Variants in LIMCH1 observed in about 807,000 individuals in gnomAD.
LIMCH1 encodes LIM and calponin homology domains-containing protein 1.
A neutral mutation model predicts 176.5 loss-of-function variants in LIMCH1; 113 were observed. The observed-to-expected ratio is 0.64, with a 90% CI of 0.55 to 0.75. The LOEUF (loss-of-function observed/expected upper bound fraction) is 0.75, where lower values mean the gene tolerates loss of function less well. Among genes scored for constraint, LIMCH1 ranks in the 30% least tolerant of loss-of-function variants. The pLI is 0.00. For missense variants in LIMCH1, 1,674 were observed against 1,814.9 expected (o/e 0.92, Z 1.41); for synonymous variants, 619 against 645.9 (o/e 0.96, Z 0.63).
At chr4:41,648,804 T>C (rs953284107) in intron 17 of LIMCH1, among the ~76,000 whole-genome samples, 5 of 151,738 alleles carry the variant, frequency 3.3e-5, no homozygotes, top group Admixed American at 3.3e-4. Flanking sequence ...GCAGTGTTTT[T>C]CAAACTGAAA....
intron 20 of LIMCH1, 88 bp from the exon 21 acceptor site, chr4:41,666,473 A>G (rs1219006056): frequency 2.6e-6 from 2 of 779,388 alleles, no homozygotes; most frequent in Admixed American, 4.6e-5. Flanking sequence ...GACTTCTATA[A>G]CAGCCATGGA....
intron 2 of LIMCH1, among the ~76,000 whole-genome samples, chr4:41,513,136 C>T (rs191943785): frequency 4.0e-5 from 6 of 151,874 alleles, no homozygotes; most frequent in African/African-American, 1.5e-4. Flanking sequence ...AAGAAAATTA[C>T]AAAAATAAAA....
At chr4:41,597,084 G>GC (rs1422648874) in intron 1 of LIMCH1, among the ~76,000 whole-genome samples, 7 of 151,560 alleles carry the variant, frequency 4.6e-5, no homozygotes, top group Middle Eastern at 3.4e-3. Context: ...CTCAGATATA[G>GC]CCCCCCTGTG....
At chr4:41,434,658 A>T (rs970504842) in intron 1 of LIMCH1, among the ~76,000 whole-genome samples, 1 of 152,194 alleles carries the variant, frequency 6.6e-6, no homozygotes, top group Non-Finnish European at 1.5e-5. Flanking sequence ...CTGGGATTAC[A>T]GGTGCCCACC....
chr4:41,413,487 G>A (rs949350717), intron 1 of LIMCH1, among the ~76,000 whole-genome samples: 1 of 146,436 alleles, frequency 6.8e-6, no homozygotes, highest in African/African-American at 2.6e-5. Context: ...ATGCCACCAT[G>A]CCTGGCTATT....
At chr4:41,487,727 C>A (rs1364671071) in intron 1 of LIMCH1, among the ~76,000 whole-genome samples, 1 of 133,708 alleles carries the variant, frequency 7.5e-6, no homozygotes, top group African/African-American at 2.9e-5. Flanking sequence ...GGTGTGATCT[C>A]GGCTCACTGC....
Position 41,666,666 on chromosome 4 carries a change from G to C in LIMCH1, c.3397G>C (p.Val1133Leu). The C allele has an allele frequency of 6.3e-7, 1 of 1,595,080 alleles. No individual in the cohort carries two copies. The highest frequency in any genetic ancestry group is 8.6e-7 in the Non-Finnish European group (1 of 1,162,854). Residue 1133 changes from valine to leucine, a missense_variant and splice_region_variant, in exon 21 of 32, where the codon GTG becomes CTG. Coordinates refer to ENST00000503057, the MANE Select transcript of LIMCH1 (RefSeq NM_001330672.2). ...ACATTTGCCAAATCTCAATTCTCAA[G>C]GTAAAGAGGACATGTTTTATTTTAG... is the stretch of plus-strand genomic sequence containing the variant. ...QLHLPNLNSQ[V>L]DSPSSEKSPV... is the part of the protein sequence containing the mutation.
intron 1 of LIMCH1, among the ~76,000 whole-genome samples, chr4:41,384,139 G>A (rs2056126309): frequency 6.6e-6 from 1 of 152,162 alleles, no homozygotes; most frequent in South Asian, 2.1e-4. Flanking sequence ...CCAGACTGCA[G>A]GGGGCTGAGC....
At position 41,613,635 on chromosome 4, in the gene LIMCH1, A is replaced by G; in HGVS notation, c.179A>G (p.Asp60Gly). 1 of 1,614,126 alleles carries G rather than the reference A, an allele frequency of 6.2e-7. No homozygotes were observed. The highest frequency in any genetic ancestry group is 1.6e-4 in the Middle Eastern group (1 of 6,062). Reference protein sequence around the residue: ...GSRSRQTPSPDVVLRGSSDGR... With the variant: ...GSRSRQTPSPGVVLRGSSDGR... ...CGCTCTCGGCAGACGCCTTCACCAG[A>G]TGTAGTCCTCAGGGGAAGCAGCGAT... The change falls in exon 5 of 32, where the codon GAT becomes GGT. Residue 60 changes from aspartate (D) to glycine (G), a missense_variant. By Grantham distance (94) the Asp-to-Gly change is moderately conservative (BLOSUM62 -1). Around this residue, in one of 3 missense-constraint regions of LIMCH1, gnomAD observed 655 missense variants for 692.2 expected, o/e 0.95. Transcript: ENST00000503057.
In LIMCH1 at chr4:41,699,219, T is replaced by C. The variant is rs1266259286; in HGVS notation, c.*2034T>C. 3.3e-5 allele frequency: 5 copies of C among 152,194 alleles called. No individual in the cohort carries two copies. The highest frequency in any genetic ancestry group is 1.2e-4 in the African/African-American group (5 of 41,454). 9.4% of individuals were successfully genotyped at this position (152,194 alleles called of 1,614,324 possible). A position where few individuals can be genotyped will look rare whatever the true frequency, so the allele number is the denominator to read the frequency against. On this transcript the variant is annotated 3_prime_UTR_variant, in exon 32 of 32. Coordinates refer to ENST00000503057, the MANE Select transcript of LIMCH1 (RefSeq NM_001330672.2). ...TTTACATGTGCAACTCCATCCGTTA[T>C]GTAAGGATTACATGAATATTGCACA...
intron 1 of LIMCH1, chr4:41,494,401 A>G: frequency 1.7e-6 from 1 of 579,940 alleles, no homozygotes. Flanking sequence ...ATACGTACAT[A>G]CACATAAACA....
rs779505725 is a variant in LIMCH1 at position 41,626,872 on chromosome 4, G to A, written c.890G>A (p.Arg297Lys). Residue 297 changes from arginine to lysine, a missense_variant, in exon 8 of 32, where the codon AGG becomes AAG. Transcript: ENST00000503057. ...EKDDFAARRA[R>K]MNQTKPMVPL... ...GATGACTTTGCTGCAAGGAGAGCAAGGATGAACCAAACCAAGCCAATGGTG... is the reference window on the plus strand; with the variant it reads ...GATGACTTTGCTGCAAGGAGAGCAAAGATGAACCAAACCAAGCCAATGGTG... 8 of 1,536,166 alleles carry A rather than the reference G, an allele frequency of 5.2e-6. No homozygotes were observed. Among genetic ancestry groups the A allele is most frequent in the Non-Finnish European group, 6.1e-6 (7 of 1,146,922 alleles).
upstream of LIMCH1, among the ~76,000 whole-genome samples, chr4:41,533,690 G>A (rs1483191625): frequency 6.6e-6 from 1 of 152,218 alleles, no homozygotes; most frequent in African/African-American, 2.4e-5. Context: ...AAGGTAGACT[G>A]TGAAATGTTA....
At chr4:41,590,499 A>ATGAGCTGGTCTGGCTTCC (rs2087331309) in intron 1 of LIMCH1, among the ~76,000 whole-genome samples, 1 of 151,996 alleles carries the variant, frequency 6.6e-6, no homozygotes, top group African/African-American at 2.4e-5. Flanking sequence ...TCCTGTTCTC[A>ATGAGCTGGTCTGGCTTCC]TGAGCTGGTC....
chr4:41,640,541 CAAG>C (rs1404203376), intron 14 of LIMCH1, among the ~76,000 whole-genome samples: 1 of 152,120 alleles, frequency 6.6e-6, no homozygotes, highest in Non-Finnish European at 1.5e-5. Context: ...CCCCAGGGAC[CAAG>C]AAGAGTAAAA....
At chr4:41,569,748 T>A (rs1190710786) in intron 1 of LIMCH1, among the ~76,000 whole-genome samples, 3 of 152,090 alleles carry the variant, frequency 2.0e-5, no homozygotes, top group Admixed American at 6.5e-5. Context: ...TCAAAGATAA[T>A]GAAACATAAT....
At chr4:41,451,968 T>A (rs990838722) in intron 1 of LIMCH1, among the ~76,000 whole-genome samples, 5 of 152,214 alleles carry the variant, frequency 3.3e-5, no homozygotes, top group Non-Finnish European at 7.3e-5. Context: ...CATTCACCAC[T>A]TTGCCTCCTC....
At chr4:41,599,218 A>T in intron 2 of LIMCH1, 192 bp downstream of exon 2, 1 of 424,388 alleles carries the variant, frequency 2.4e-6, no homozygotes. Context: ...TTCTGATCAA[A>T]CATCATTTTT....
intron 9 of LIMCH1, 33 bp from the exon 10 acceptor site, chr4:41,631,115 A>T: frequency 7.0e-7 from 1 of 1,429,354 alleles, no homozygotes; most frequent in East Asian, 2.5e-5. Context: ...TTGTACTCAG[A>T]CACTTTTAGA....
Sources: allele counts gnomAD v4.1 joint callset (sites outside exome capture counted in the v4.1 genomes callset), GRCh38; gene constraint gnomAD v4.1.1; regional missense constraint gnomAD v4.1.1; transcripts MANE v1.5; gene names NCBI Gene and HGNC (gene_info 2026-07-23, HGNC 2026-07-21).